The following ALDH3A2 variants were observed in gnomAD, a reference collection of about 807,000 sequenced individuals.
The protein encoded by ALDH3A2 is aldehyde dehydrogenase family 3 member A2.
A neutral mutation model predicts 51.3 loss-of-function variants in ALDH3A2; 36 were observed. The ratio of observed to expected loss-of-function variants is 0.70; its 90% confidence interval spans 0.54 to 0.93. ALDH3A2 has a LOEUF of 0.93. ALDH3A2 is among the 40% of genes least tolerant of loss of function. The pLI, the probability that ALDH3A2 is intolerant of heterozygous loss-of-function variation, is 0.00. For synonymous variants in ALDH3A2, 199 were observed against 219.8 expected (o/e 0.91, Z 0.84); for missense variants, 552 against 603.1 (o/e 0.92, Z 0.89).
rs770078722 is a variant in ALDH3A2, at chr17:19,663,439, A to G, written c.1047A>G (p.Ile349Met). 32 of 1,614,092 alleles carry G rather than the reference A, an allele frequency of 2.0e-5. No homozygotes were observed. In the Admixed American group the frequency reaches 5.3e-4, roughly 27 times the overall value. Reference protein sequence around the residue: ...IVPVKNVDEAINFINEREKPL... With the variant: ...IVPVKNVDEAMNFINEREKPL... ...CTGTGAAAAATGTAGATGAGGCCAT[A>G]AATTTCATAAATGAACGTGAAAAGC... The change falls in exon 7 of 10, where the codon ATA (isoleucine) becomes ATG (methionine). Residue 349 changes from isoleucine (I) to methionine (M), a missense_variant. Ile to Met is a conservative substitution (Grantham distance 10). Transcript: ENST00000176643.
At chr17:19,674,191 G>A (rs1178618100) in intron 9 of ALDH3A2, 5 of 152,250 alleles carry the variant, frequency 3.3e-5, no homozygotes, top group African/African-American at 4.8e-5. Flanking sequence ...GGCTGGAGGT[G>A]TGGTCGGAAG....
chr17:19,674,242 T>C (rs1027078977), intron 9 of ALDH3A2: 2 of 152,130 alleles, frequency 1.3e-5, no homozygotes, highest in African/African-American at 4.8e-5. Flanking sequence ...CTTTTGTTCT[T>C]TTCCCAAGAC....
intron 8 of ALDH3A2, among the ~76,000 whole-genome samples, chr17:19,669,219 C>G (rs1382038493): frequency 6.6e-6 from 1 of 151,974 alleles, no homozygotes; most frequent in Admixed American, 6.6e-5. Flanking sequence ...AGAAGAATCG[C>G]TTGAACCTGG....
intron 3 of ALDH3A2, among the ~76,000 whole-genome samples, chr17:19,653,189 C>T (rs768214791): frequency 5.3e-4 from 80 of 151,786 alleles, no homozygotes; most frequent in Admixed American, 3.3e-4. Context: ...GGATTACAGA[C>T]GTGTGCCACC....
At chr17:19,673,430 AG>A (rs1301934511) in intron 9 of ALDH3A2, among the ~76,000 whole-genome samples, 2 of 151,318 alleles carry the variant, frequency 1.3e-5, no homozygotes, top group Non-Finnish European at 2.9e-5. Flanking sequence ...TATTGAAAAA[AG>A]AATGGGCCGG....
chr17:19,671,657 G>C, intron 8 of ALDH3A2, 64 bp from the exon 9 acceptor site: 1 of 1,433,436 alleles, frequency 7.0e-7, no homozygotes, highest in Non-Finnish European at 9.8e-7. Context: ...CCCGGTCGTT[G>C]TTAGACAGAA....
intron 6 of ALDH3A2, among the ~76,000 whole-genome samples, chr17:19,661,771 G>A (rs1043800666): frequency 1.3e-5 from 2 of 151,420 alleles, no homozygotes; most frequent in African/African-American, 4.9e-5. Flanking sequence ...AACATATAAG[G>A]TGACAGAAAA....
At chr17:19,667,095 A>T (rs1266390710) in intron 8 of ALDH3A2, among the ~76,000 whole-genome samples, 1 of 152,216 alleles carries the variant, frequency 6.6e-6, no homozygotes, top group Admixed American at 6.5e-5. Context: ...CTATGTAAAG[A>T]TAACTGGTAT....
At chr17:19,663,593 CAA>C (rs1167564648) in intron 7 of ALDH3A2, 94 bp downstream of exon 7, 7 of 1,418,096 alleles carry the variant, frequency 4.9e-6, no homozygotes, top group African/African-American at 1.4e-5. Context: ...CAATGTGAAA[CAA>C]TGATGGTTTC....
intron 5 of ALDH3A2, among the ~76,000 whole-genome samples, chr17:19,660,209 G>A (rs556709947): frequency 2.6e-5 from 4 of 152,086 alleles, no homozygotes; most frequent in Non-Finnish European, 5.9e-5. Context: ...TGTTACCCTA[G>A]TGAGCCATTT....
chr17:19,665,055 T>TCCAAA lies in ALDH3A2; in HGVS notation c.1207+8_1207+9insCCAAA. ...TCCCATTTGGAGGAGTGGGTGAGTC[T>TCCAAA]TATTTTCTCCTGCTTGTAGTAGATA... On this transcript the variant is annotated intron_variant, in intron 8 of 9. Coordinates refer to ENST00000176643, the MANE Select transcript of ALDH3A2 (RefSeq NM_000382.3). 6.2e-7 allele frequency: 1 copy of TCCAAA among 1,607,416 alleles called. No individual in the cohort carries two copies. The highest frequency in any genetic ancestry group is 1.1e-5 in the South Asian group (1 of 90,932).
In ALDH3A2 at chr17:19,648,909, C is replaced by A; in HGVS notation, c.-63C>A. ...GGAAGGGAGGCGAGGCCTGCACCTG[C>A]ATGCTTCCCGCCTCCCACTCCCCAG... On this transcript the variant is annotated 5_prime_UTR_variant, in exon 1 of 10. Transcript: ENST00000176643. The A allele has an allele frequency of 6.5e-7, 1 of 1,532,646 alleles. No individual in the cohort carries two copies. Among genetic ancestry groups the A allele is most frequent in the East Asian group, 2.4e-5 (1 of 41,234 alleles). The allele number at this position is 1,532,646 out of a possible 1,614,324, so 94.9% of individuals were successfully genotyped here. A position where few individuals can be genotyped will look rare whatever the true frequency, so the allele number is the denominator to read the frequency against.
At chr17:19,652,522 C>T (rs762367848) in intron 2 of ALDH3A2, 25 bp from the exon 3 acceptor site, 11 of 1,552,724 alleles carry the variant, frequency 7.1e-6, no homozygotes, top group Non-Finnish European at 9.8e-6. Flanking sequence ...TTAGATGATA[C>T]TGTTCTACTT....
At chr17:19,674,980 C>G (rs1343336811) in intron 9 of ALDH3A2, 1 of 152,572 alleles carries the variant, frequency 6.6e-6, no homozygotes, top group Non-Finnish European at 1.5e-5. Flanking sequence ...AGTAAAGTTC[C>G]AATAAAGCTT....
At chr17:19,658,654 G>T (rs1382398370) in intron 5 of ALDH3A2, among the ~76,000 whole-genome samples, 4 of 151,408 alleles carry the variant, frequency 2.6e-5, no homozygotes, top group Non-Finnish European at 5.9e-5. Context: ...TTGAACCCTG[G>T]CAAGAATCGC....
chr17:19,655,260 ATATTTTTCTCT>A (rs1163756006), intron 3 of ALDH3A2: 1 of 152,198 alleles, frequency 6.6e-6, no homozygotes, highest in Non-Finnish European at 1.5e-5. Context: ...TCTTGGAATG[ATATTTTTCTCT>A]TTGTTAGAGC....
intron 8 of ALDH3A2, among the ~76,000 whole-genome samples, chr17:19,670,487 CT>C (rs2085097267): frequency 6.6e-6 from 1 of 152,170 alleles, no homozygotes; most frequent in African/African-American, 2.4e-5. Context: ...TCAAGCAATC[CT>C]CCTGCATCAG....
rs1017601365 is a variant in ALDH3A2 at position 19,671,705 on chromosome 17, G to C, written c.1208-16G>C. 2 of 1,604,666 alleles carry C rather than the reference G, an allele frequency of 1.2e-6. No homozygotes were observed. Among genetic ancestry groups the C allele is most frequent in the Non-Finnish European group, 1.7e-6 (2 of 1,171,506 alleles). On this transcript the variant is annotated splice_polypyrimidine_tract_variant and intron_variant, in intron 8 of 9. Transcript: ENST00000176643. ...ATCTACAGTGAAGCTTGTTTTGTCTGTTCCCTTTATTTCAGGTTCCAGTGG... is the reference window on the plus strand; with the variant it reads ...ATCTACAGTGAAGCTTGTTTTGTCTCTTCCCTTTATTTCAGGTTCCAGTGG...
chr17:19,662,334 A>G (rs1026929661), intron 6 of ALDH3A2, among the ~76,000 whole-genome samples: 1 of 152,208 alleles, frequency 6.6e-6, no homozygotes, highest in African/African-American at 2.4e-5. Context: ...GATGTGGGCA[A>G]TGGATTTGGA....
Sources: gnomAD v4.1 joint callset for allele counts (sites outside exome capture counted in the v4.1 genomes callset) on GRCh38, gnomAD v4.1.1 for gene constraint, MANE v1.5 for transcripts, NCBI Gene and HGNC (gene_info 2026-07-23, HGNC 2026-07-21) for gene names.